Variants in KAZN observed in about 807,000 individuals in gnomAD.
KAZN encodes the protein kazrin.
In KAZN, 40 loss-of-function variants were observed where a neutral mutation model predicts 87.4. The observed-to-expected ratio is 0.46, with a 90% confidence interval of 0.36 to 0.60. KAZN has a LOEUF of 0.60. KAZN is among the 20% of genes least tolerant of loss of function. The pLI, the probability that KAZN is intolerant of heterozygous loss-of-function variation, is 0.00. For missense variants in KAZN, 898 were observed against 1,073.9 expected, an observed-to-expected ratio of 0.84 and a Z score of 2.29; for synonymous variants, 466 against 458.3, an observed-to-expected ratio of 1.02 and a Z score of -0.22.
intron 2 of KAZN, among the ~76,000 whole-genome samples, chr1:14,298,833 C>A (rs999477795): frequency 2.0e-5 from 3 of 152,144 alleles, no homozygotes; most frequent in South Asian, 4.1e-4. Flanking sequence ...ATGATTTATT[C>A]TTTTCCTTTT....
chr1:14,873,052 G>A (rs551381688), intron 1 of KAZN, among the ~76,000 whole-genome samples: 1 of 140,220 alleles, frequency 7.1e-6, no homozygotes, highest in Non-Finnish European at 1.5e-5. Context: ...GAATCGGTGG[G>A]TGGATGGATG....
intron 1 of KAZN, among the ~76,000 whole-genome samples, chr1:14,928,454 A>C (rs1377848115): frequency 1.6e-5 from 2 of 128,100 alleles, no homozygotes; most frequent in African/African-American, 7.2e-5. Context: ...GTCTCAAAAA[A>C]AAAACAAAAA....
chr1:15,052,318 A>G (rs752448909), intron 4 of KAZN, among the ~76,000 whole-genome samples: 2 of 152,190 alleles, frequency 1.3e-5, no homozygotes, highest in African/African-American at 4.8e-5. Context: ...CACGTCTTAC[A>G]TGGTGGCAGG....
At chr1:15,049,902 TA>T (rs1425724046) in intron 4 of KAZN, among the ~76,000 whole-genome samples, 2 of 152,034 alleles carry the variant, frequency 1.3e-5, no homozygotes, top group Admixed American at 1.3e-4. Flanking sequence ...CAGGCGCCTG[TA>T]ATCCCAGCTA....
At chr1:14,263,012 C>A (rs1033770852) in intron 2 of KAZN, among the ~76,000 whole-genome samples, 1 of 152,122 alleles carries the variant, frequency 6.6e-6, no homozygotes, top group Non-Finnish European at 1.5e-5. Context: ...GGCGTGCATG[C>A]GTGTATATCC....
chr1:15,049,114 A>G (rs1289424749), intron 4 of KAZN, among the ~76,000 whole-genome samples: 2 of 152,052 alleles, frequency 1.3e-5, no homozygotes, highest in Non-Finnish European at 2.9e-5. Context: ...GAGGCTTTTG[A>G]CGGGAGTCCA....
At chr1:14,000,342 T>C (rs187094968) in intron 1 of KAZN, among the ~76,000 whole-genome samples, 2 of 152,314 alleles carry the variant, frequency 1.3e-5, no homozygotes, top group Admixed American at 6.5e-5. Context: ...CAAAAACTTA[T>C]CCACTATGAT....
chr1:14,866,833 A>G (rs1293523430), intron 1 of KAZN, among the ~76,000 whole-genome samples: 1 of 152,190 alleles, frequency 6.6e-6, no homozygotes, highest in Admixed American at 6.5e-5. Context: ...GCCTCACTCC[A>G]TGAGCATCCG....
intron 1 of KAZN, among the ~76,000 whole-genome samples, chr1:14,619,665 C>T (rs1204892162): frequency 6.6e-6 from 1 of 152,174 alleles, no homozygotes; most frequent in Non-Finnish European, 1.5e-5. Flanking sequence ...ACACGGAAAC[C>T]CTGTACCCAT....
intron 3 of KAZN, among the ~76,000 whole-genome samples, chr1:15,039,235 T>C (rs1672662101): frequency 6.6e-6 from 1 of 151,506 alleles, no homozygotes; most frequent in Non-Finnish European, 1.5e-5. Flanking sequence ...ATTCCCCCCA[T>C]TTAACAGGTG....
At chr1:14,960,968 C>A in intron 2 of KAZN, 93 bp downstream of exon 2, 1 of 1,332,228 alleles carries the variant, frequency 7.5e-7, no homozygotes, top group Non-Finnish European at 1.0e-6. Context: ...CGCAGATGGA[C>A]ACAGGGGTCT....
At chr1:14,190,900 A>G (rs773670389) in intron 2 of KAZN, among the ~76,000 whole-genome samples, 34 of 152,224 alleles carry the variant, frequency 2.2e-4, no homozygotes, top group Non-Finnish European at 1.8e-4. Flanking sequence ...TTTGTAACGT[A>G]GCAAGAGCTA....
intron 1 of KAZN, among the ~76,000 whole-genome samples, chr1:13,913,615 C>T (rs12745720): frequency 0.11 from 16,679 of 152,150 alleles, 1,169 homozygotes; most frequent in South Asian, 0.16. Context: ...CTCTTCTGGC[C>T]TCAGGGGAGA....
At chr1:14,205,404 T>A (rs1646718623) in intron 2 of KAZN, among the ~76,000 whole-genome samples, 1 of 152,168 alleles carries the variant, frequency 6.6e-6, no homozygotes, top group Non-Finnish European at 1.5e-5. Flanking sequence ...ATAAAAATGT[T>A]CACTATTGTC....
At chr1:14,831,492 C>G (rs1647047652) in intron 1 of KAZN, among the ~76,000 whole-genome samples, 1 of 152,190 alleles carries the variant, frequency 6.6e-6, no homozygotes, top group Non-Finnish European at 1.5e-5. Flanking sequence ...TTCCCTCTGT[C>G]ACATAAAATG....
chr1:14,808,639 A>G (rs1230106647), intron 1 of KAZN, among the ~76,000 whole-genome samples: 1 of 152,144 alleles, frequency 6.6e-6, no homozygotes, highest in Non-Finnish European at 1.5e-5. Flanking sequence ...TTCAGAGATG[A>G]CATGTCTCAA....
intron 1 of KAZN, among the ~76,000 whole-genome samples, chr1:14,775,454 C>G (rs1645148338): frequency 6.6e-6 from 1 of 152,236 alleles, no homozygotes; most frequent in South Asian, 2.1e-4. Flanking sequence ...GACTACCCAG[C>G]TGGTGAGCAT....
At position 14,184,536 on chromosome 1, in the gene KAZN, C is replaced by T. The variant is rs1377660323; in HGVS notation, c.249+3944C>T. Among the ~76,000 whole-genome samples the T allele has an allele frequency of 6.6e-6, 1 of 152,158 alleles. No individual in the cohort carries two copies. The highest frequency in any genetic ancestry group is 1.9e-4 in the East Asian group (1 of 5,174). ...GCGGAAGCAGCAGCAGGAGGGAAACCTGGCATTTAGGAGGCAGATCGGGAG... is the reference window on the plus strand; with the variant it reads ...GCGGAAGCAGCAGCAGGAGGGAAACTTGGCATTTAGGAGGCAGATCGGGAG... On this transcript the variant is annotated intron_variant, in intron 2 of 16. Transcript: ENST00000636203. This position sits in a 1 kb window ranked among gnomAD's most constrained non-coding sequence, Gnocchi z 4.2.
chr1:14,852,444 C>G (rs566197039), intron 1 of KAZN, among the ~76,000 whole-genome samples: 119 of 152,360 alleles, frequency 7.8e-4, no homozygotes, highest in Non-Finnish European at 1.5e-3. Context: ...GGAGCCAAAT[C>G]CTTCCCGGGA....
Sources: allele counts gnomAD v4.1 joint callset (sites outside exome capture counted in the v4.1 genomes callset), GRCh38; gene constraint gnomAD v4.1.1; non-coding constraint Gnocchi (gnomAD v3.1); transcripts MANE v1.5; gene names NCBI Gene and HGNC (gene_info 2026-07-23, HGNC 2026-07-21).